DHX30: variants seen among roughly 807,000 people sequenced by gnomAD.
The protein encoded by DHX30 is DExH-box helicase 30.
A neutral mutation model predicts 116.9 loss-of-function variants in DHX30; 4 were observed. The observed-to-expected ratio is 0.03, with a 90% CI of 0.02 to 0.08. The LOEUF (loss-of-function observed/expected upper bound fraction) is 0.08. Ranked by LOEUF, DHX30 falls within the 10% of genes least tolerant of loss-of-function variation. The pLI is 1.00. For synonymous variants in DHX30, 697 were observed against 651.7 expected, an observed-to-expected ratio of 1.07 and a Z score of -1.06; for missense variants, 871 against 1,595.1, an observed-to-expected ratio of 0.55 and a Z score of 7.73.
Position 47,849,701 on chromosome 3 carries a change from T to C in DHX30, c.3263T>C (p.Val1088Ala), listed in dbSNP as rs1260793417. Residue 1088 changes from valine to alanine, a missense_variant, in exon 21 of 22, where the codon GTC (valine) becomes GCC (alanine). Physicochemically the swap from Val to Ala is moderately conservative, Grantham distance 64. Around this residue, in one of 13 missense-constraint regions of DHX30, gnomAD observed 238 missense variants for 481.0 expected, o/e 0.49. Coordinates refer to ENST00000445061, the MANE Select transcript of DHX30 (RefSeq NM_138615.3). ...MAVKSNGSVF[V>A]RDSSQVHPLA... Reference sequence around the variant, plus strand: ...GTCAAGTCCAATGGCAGCGTCTTCGTCCGGGACTCCTCTCAGGTGCACCCG... The same window carrying C: ...GTCAAGTCCAATGGCAGCGTCTTCGCCCGGGACTCCTCTCAGGTGCACCCG... 6.2e-7 allele frequency: 1 copy of C among 1,614,066 alleles called. No homozygotes were observed. Among genetic ancestry groups the C allele is most frequent in the Non-Finnish European group, 8.5e-7 (1 of 1,180,042 alleles).
chr3:47,828,468 A>G (rs936661439), intron 5 of DHX30, among the ~76,000 whole-genome samples: 4 of 150,236 alleles, frequency 2.7e-5, no homozygotes, highest in African/African-American at 7.3e-5. Context: ...CCCCACAAAA[A>G]AAAAAAAAAA....
chr3:47,847,774 C>T lies in DHX30; in HGVS notation c.2111-7C>T, dbSNP rs1292499075. 2 of 1,611,186 alleles carry T rather than the reference C, an allele frequency of 1.2e-6. No homozygotes were observed. Among genetic ancestry groups the T allele is most frequent in the Non-Finnish European group, 1.7e-6 (2 of 1,177,940 alleles). On this transcript the variant is annotated splice_polypyrimidine_tract_variant and splice_region_variant and intron_variant, in intron 13 of 21. Coordinates refer to ENST00000445061, the MANE Select transcript of DHX30 (RefSeq NM_138615.3). The surrounding 1 kb of genome is among the most constrained non-coding windows in gnomAD (Gnocchi z 5.5). ...TGCCCATAACTGGTGTGTGTCTTGCCCACCAGTGCACTCCAACATCCCCAT... is the reference window on the plus strand; with the variant it reads ...TGCCCATAACTGGTGTGTGTCTTGCTCACCAGTGCACTCCAACATCCCCAT...
Position 47,815,148 on chromosome 3 carries a change from G to A in DHX30, c.29-2874G>A, listed in dbSNP as rs147086459. On this transcript the variant is annotated intron_variant, in intron 3 of 21. Transcript: ENST00000445061. ...TGAGGTTCCCGAGTTTCATTGACTGGGGCTTGAATCTGGCTTTCCCTAATA... is the reference window on the plus strand; with the variant it reads ...TGAGGTTCCCGAGTTTCATTGACTGAGGCTTGAATCTGGCTTTCCCTAATA... Among the ~76,000 whole-genome samples, 203 of 152,164 alleles carry A rather than the reference G, an allele frequency of 1.3e-3. 1 individual carries two copies. Among genetic ancestry groups the A allele is most frequent in the African/African-American group, 4.6e-3 (191 of 41,528 alleles).
chr3:47,824,466 A>G (rs2036445411), intron 4 of DHX30, among the ~76,000 whole-genome samples: 1 of 151,802 alleles, frequency 6.6e-6, no homozygotes. Context: ...CGTTTTTTAA[A>G]CTTTTAATAG....
intron 3 of DHX30, among the ~76,000 whole-genome samples, chr3:47,817,215 C>T (rs2036097479): frequency 6.6e-6 from 1 of 152,168 alleles, no homozygotes; most frequent in Admixed American, 6.6e-5. Flanking sequence ...GCATTTCTCC[C>T]AGCCCCAAGA....
At position 47,848,843 on chromosome 3, in the gene DHX30, C is replaced by T. The variant is rs376804908; in HGVS notation, c.2769+26C>T. 103 of 1,601,688 alleles carry T rather than the reference C, an allele frequency of 6.4e-5. No homozygotes were observed. The highest frequency in any genetic ancestry group is 2.9e-4 in the East Asian group (13 of 44,570). The stretch of plus-strand genomic sequence containing the variant: ...GTCAGTCCTGGCTCCTTCCTGGAGC[C>T]GTCCACCCACTGCTGTTCTGAGGGG... On this transcript the variant is annotated intron_variant, in intron 17 of 21. Transcript: ENST00000445061. This position sits in a 1 kb window ranked among gnomAD's most constrained non-coding sequence, Gnocchi z 9.4.
chr3:47,814,789 G>A (rs904074071), intron 3 of DHX30, among the ~76,000 whole-genome samples: 11 of 151,922 alleles, frequency 7.2e-5, no homozygotes, highest in African/African-American at 2.7e-4. Context: ...TAAAGTGTTG[G>A]GATTACAGGT....
chr3:47,835,959 G>C (rs1306416520), intron 6 of DHX30, among the ~76,000 whole-genome samples: 1 of 152,202 alleles, frequency 6.6e-6, no homozygotes, highest in Non-Finnish European at 1.5e-5. Flanking sequence ...ACTGGCAGCT[G>C]TAAGATCAAG....
At chr3:47,819,185 G>A in intron 4 of DHX30, 2 of 1,362,630 alleles carry the variant, frequency 1.5e-6, no homozygotes, top group South Asian at 1.1e-5. Context: ...CAAAACAAGA[G>A]TTGATTGCCC....
Position 47,849,459 on chromosome 3 carries a change from G to A in DHX30, c.3096G>A (p.Gln1032=). 6.4e-7 allele frequency: 1 copy of A among 1,574,088 alleles called. No homozygotes were observed. The highest frequency in any genetic ancestry group is 1.7e-5 in the Admixed American group (1 of 57,356). Residue 1032 remains glutamine (Q), a synonymous_variant, in exon 20 of 22, where the codon CAG becomes CAA. Transcript: ENST00000445061. ...TTCCTCCATCCCTGCAGGTGAGGCA[G>A]GGCAAGGTCACCCGGCAGGGGAAGT... is the stretch of plus-strand genomic sequence containing the variant. ...GLYPNLIQVR[Q]GKVTRQGKFK...
intron 4 of DHX30, 35 bp downstream of exon 4, chr3:47,818,152 G>T: frequency 1.3e-6 from 1 of 772,912 alleles, no homozygotes; most frequent in Non-Finnish European, 2.4e-6. Flanking sequence ...CAACAGCTTG[G>T]TCCAGGGTCT....
chr3:47,836,666 G>A (rs1053961016), intron 6 of DHX30, among the ~76,000 whole-genome samples: 1 of 151,812 alleles, frequency 6.6e-6, no homozygotes, highest in African/African-American at 2.4e-5. Flanking sequence ...CTACAGGTGC[G>A]CACCACCACG....
Position 47,803,181 on chromosome 3 carries a change from C to T in DHX30, c.-154C>T, listed in dbSNP as rs1378792592. ...GGGGAGCCGCGGCTCATGCGCGGTG[C>T]ACAGAGGCTTGTTTCACATCTGTAA... On this transcript the variant is annotated 5_prime_UTR_variant, in exon 1 of 22. Coordinates refer to ENST00000445061, the MANE Select transcript of DHX30 (RefSeq NM_138615.3). 5 of 393,992 alleles carry T rather than the reference C, an allele frequency of 1.3e-5. No homozygotes were observed. Among genetic ancestry groups the T allele is most frequent in the Non-Finnish European group, 2.2e-5 (5 of 223,038 alleles). The allele number at this position is 393,992 out of a possible 1,614,324, so 24.4% of individuals were successfully genotyped here. A position where few individuals can be genotyped will look rare whatever the true frequency, so the allele number is the denominator to read the frequency against.
chr3:47,845,310 C>T (rs1265533205), intron 9 of DHX30, among the ~76,000 whole-genome samples: 1 of 152,100 alleles, frequency 6.6e-6, no homozygotes, highest in Non-Finnish European at 1.5e-5. Context: ...GCCTCAGCCT[C>T]CCTAGTAGCT....
Position 47,847,947 on chromosome 3 carries a change from G to A in DHX30, c.2277G>A (p.Leu759=), listed in dbSNP as rs763771885. ...TGCACAAGGAAGAACGCTATGACCT[G>A]AAGACCAAGGTGGCACCTACCTCCT... ...SGLHKEERYD[L]KTKVSCLETV... Residue 759 remains leucine (L), a synonymous_variant, in exon 14 of 22, where the codon CTG becomes CTA. Coordinates refer to ENST00000445061, the MANE Select transcript of DHX30 (RefSeq NM_138615.3). This position sits in a 1 kb window ranked among gnomAD's most constrained non-coding sequence, Gnocchi z 5.5. 1.9e-6 allele frequency: 3 copies of A among 1,613,652 alleles called. No homozygotes were observed. The South Asian group carries it at 3.3e-5, about 18-fold the overall frequency.
intron 6 of DHX30, among the ~76,000 whole-genome samples, chr3:47,837,022 G>C (rs1298634044): frequency 6.6e-6 from 1 of 152,226 alleles, no homozygotes; most frequent in Non-Finnish European, 1.5e-5. Context: ...CAGCACAAAG[G>C]GGACTGAGTC....
In DHX30 at chr3:47,845,741, C is replaced by T. The variant is rs746927412; in HGVS notation, c.981C>T (p.His327=). The T allele has an allele frequency of 3.5e-5, 57 of 1,610,726 alleles. No individual in the cohort carries two copies. The highest frequency in any genetic ancestry group is 1.4e-4 in the South Asian group (13 of 90,954). Reference sequence around the variant, plus strand: ...ACAGGAACAACGAACCGCTTACACACGCCATGTATAACCTGGCCTCTTTGC... The same window carrying T: ...ACAGGAACAACGAACCGCTTACACATGCCATGTATAACCTGGCCTCTTTGC... The part of the protein sequence containing the change: ...LVDRNNEPLT[H]AMYNLASLRE... Residue 327 remains histidine (H), a synonymous_variant, in exon 10 of 22, where the codon CAC becomes CAT. Transcript: ENST00000445061.
At chr3:47,809,314 T>C (rs1444633406) in intron 2 of DHX30, among the ~76,000 whole-genome samples, 1 of 127,618 alleles carries the variant, frequency 7.8e-6, no homozygotes, top group Non-Finnish European at 1.6e-5. Flanking sequence ...CAATCTTGGC[T>C]CACTGCAAGC....
rs946856951 is a variant in DHX30 at position 47,813,060 on chromosome 3, C to T, written c.28+2349C>T. 5.3e-5 allele frequency among the ~76,000 whole-genome samples: 8 copies of T among 149,646 alleles called. No individual in the cohort carries two copies. In the East Asian group the frequency reaches 6.3e-4, roughly 12 times the overall value. On this transcript the variant is annotated intron_variant, in intron 3 of 21. Coordinates refer to ENST00000445061, the MANE Select transcript of DHX30 (RefSeq NM_138615.3). ...TCATAGAAACTCTGGCAAGTCTTGCCGGGCGCGGTGGCTCACGCCTGTAAT... is the reference window on the plus strand; with the variant it reads ...TCATAGAAACTCTGGCAAGTCTTGCTGGGCGCGGTGGCTCACGCCTGTAAT...
Sources: gnomAD v4.1 joint callset for allele counts (sites outside exome capture counted in the v4.1 genomes callset) on GRCh38, gnomAD v4.1.1 for gene constraint, gnomAD v4.1.1 regional missense constraint, Gnocchi (gnomAD v3.1) non-coding constraint, MANE v1.5 for transcripts, NCBI Gene and HGNC (gene_info 2026-07-23, HGNC 2026-07-21) for gene names.